The following RAP1B variants were observed in gnomAD, a reference collection of about 807,000 sequenced individuals.
RAP1B encodes RAP1B, member of RAS oncogene family, also known as ras-related protein Rap-1b.
Under a neutral mutation model 27.5 loss-of-function variants are expected in RAP1B, and 1 was observed. The observed-to-expected ratio is 0.04, with a 90% CI of 0.01 to 0.17. The LOEUF is 0.17. Among genes scored for constraint, RAP1B ranks in the 10% least tolerant of loss-of-function variants. The probability of loss-of-function intolerance (pLI) is 1.00; values close to 1 mark genes in which losing one functional copy is unlikely to be tolerated. For synonymous variants in RAP1B, 75 were observed against 73.1 expected (o/e 1.03, Z -0.13); for missense variants, 84 against 214.8 (o/e 0.39, Z 3.81).
At chr12:68,629,621 A>G (rs1339413322) in intron 1 of RAP1B, among the ~76,000 whole-genome samples, 1 of 152,182 alleles carries the variant, frequency 6.6e-6, no homozygotes. Context: ...TAAAGTTTTT[A>G]TATGTACTGG....
intron 1 of RAP1B, among the ~76,000 whole-genome samples, chr12:68,623,196 C>T (rs1871506895): frequency 6.6e-6 from 1 of 151,926 alleles, no homozygotes; most frequent in Non-Finnish European, 1.5e-5. Context: ...AAAAGTTAAC[C>T]AGTATAAAAC....
In RAP1B at chr12:68,669,231, A is replaced by T. The variant is rs1389843223; in HGVS notation, c.*9982A>T. 6.6e-6 allele frequency: 1 copy of T among 152,268 alleles called. No homozygotes were observed. The highest frequency in any genetic ancestry group is 1.5e-5 in the Non-Finnish European group (1 of 68,050). 9.4% of individuals were successfully genotyped at this position (152,268 alleles called of 1,614,324 possible). On this transcript the variant is annotated 3_prime_UTR_variant, in exon 8 of 8. Coordinates refer to ENST00000250559, the MANE Select transcript of RAP1B (RefSeq NM_001010942.3). Reference sequence around the variant, plus strand: ...GGTATAAGGCTAAGAAAGAACTATTATAAACTCTTATTGAAGGACATAAAT... The same window carrying T: ...GGTATAAGGCTAAGAAAGAACTATTTTAAACTCTTATTGAAGGACATAAAT...
At chr12:68,654,275 A>G (rs1874031873) in intron 5 of RAP1B, 23 bp downstream of exon 5, 2 of 1,419,518 alleles carry the variant, frequency 1.4e-6, no homozygotes, top group Non-Finnish European at 9.4e-7. Context: ...CCAAATAAAT[A>G]TATTTTATTT....
chr12:68,620,249 T>G (rs1264238785), intron 1 of RAP1B, among the ~76,000 whole-genome samples: 2 of 151,832 alleles, frequency 1.3e-5, no homozygotes, highest in Non-Finnish European at 2.9e-5. Flanking sequence ...TGAGTCTCTC[T>G]ATTGTCACCC....
intron 5 of RAP1B, among the ~76,000 whole-genome samples, chr12:68,654,578 C>T (rs1403917227): frequency 6.6e-6 from 1 of 151,608 alleles, no homozygotes; most frequent in East Asian, 1.9e-4. Flanking sequence ...CCCGGGTTCA[C>T]GCCATTCTCC....
chr12:68,654,807 G>A (rs991549607), intron 5 of RAP1B, among the ~76,000 whole-genome samples: 11 of 152,290 alleles, frequency 7.2e-5, no homozygotes, highest in African/African-American at 2.4e-4. Context: ...CCCCTTCAGA[G>A]TCTACCATAA....
chr12:68,614,604 C>T lies in RAP1B; in HGVS notation c.-27+3561C>T, dbSNP rs917806776. Among the ~76,000 whole-genome samples, 4 of 148,528 alleles carry T rather than the reference C, an allele frequency of 2.7e-5. No individual in the cohort carries two copies. In the East Asian group the frequency reaches 8.0e-4, roughly 30 times the overall value. On this transcript the variant is annotated intron_variant, in intron 1 of 7. Transcript: ENST00000250559. Reference sequence around the variant, plus strand: ...AAAAATATGCCCTGGGTTTTCTTCCCCCTCCTGTCATTATTGAGGACTCCA... The same window carrying T: ...AAAAATATGCCCTGGGTTTTCTTCCTCCTCCTGTCATTATTGAGGACTCCA...
intron 1 of RAP1B, chr12:68,627,030 C>G: frequency 6.3e-7 from 1 of 1,586,940 alleles, no homozygotes; most frequent in Non-Finnish European, 8.6e-7. Flanking sequence ...GATCTTCTGG[C>G]GGCCAGAAAA....
chr12:68,616,425 C>T (rs1213930561), intron 1 of RAP1B, among the ~76,000 whole-genome samples: 1 of 146,548 alleles, frequency 6.8e-6, no homozygotes, highest in Non-Finnish European at 1.5e-5. Context: ...GCTGGGAATA[C>T]TGTGCCTGGC....
Position 68,662,058 on chromosome 12 carries a change from A to G in RAP1B, c.*2809A>G, listed in dbSNP as rs1001021955. ...TTATATATAGTACATATATAGAGAG[A>G]GTATATATATATATGTAGTACAGTG... is the stretch of plus-strand genomic sequence containing the variant. On this transcript the variant is annotated 3_prime_UTR_variant, in exon 8 of 8. Coordinates refer to ENST00000250559, the MANE Select transcript of RAP1B (RefSeq NM_001010942.3). 13 of 146,308 alleles carry G rather than the reference A, an allele frequency of 8.9e-5. No homozygotes were observed. The highest frequency in any genetic ancestry group is 2.0e-4 in the East Asian group (1 of 5,120). The allele number at this position is 146,308 out of a possible 1,614,324, so 9.1% of individuals were successfully genotyped here. A position where few individuals can be genotyped will look rare whatever the true frequency, so the allele number is the denominator to read the frequency against.
chr12:68,619,894 A>G lies in RAP1B; in HGVS notation c.-27+8851A>G, dbSNP rs117047529. ...TTAGATAATAGTTATTTTTAAGCCT[A>G]TTTTTGGTTTTAATATTTGTTTTGT... On this transcript the variant is annotated intron_variant, in intron 1 of 7. Coordinates refer to ENST00000250559, the MANE Select transcript of RAP1B (RefSeq NM_001010942.3). 1.8e-3 allele frequency among the ~76,000 whole-genome samples: 273 copies of G among 152,224 alleles called. 12 individuals are homozygous for G. The East Asian group carries it at 0.049, about 27-fold the overall frequency.
At chr12:68,642,176 ATAT>A (rs1457435576) in intron 1 of RAP1B, among the ~76,000 whole-genome samples, 2 of 152,220 alleles carry the variant, frequency 1.3e-5, no homozygotes, top group Non-Finnish European at 2.9e-5. Flanking sequence ...ATACATAGGC[ATAT>A]TATTGTTAAC....
Position 68,662,036 on chromosome 12 carries a change from T to TA in RAP1B, c.*2788dup, listed in dbSNP as rs1874627954. On this transcript the variant is annotated 3_prime_UTR_variant, in exon 8 of 8. Transcript: ENST00000250559. ...TATATATATATATATATATATATTA[T>TA]ATATAGTACATATATAGAGAGAGTA... 3.8e-5 allele frequency: 5 copies of TA among 132,832 alleles called. No individual in the cohort carries two copies. In the East Asian group the frequency reaches 1.1e-3, roughly 30 times the overall value. 8.2% of individuals were successfully genotyped at this position (132,832 alleles called of 1,614,324 possible). A position where few individuals can be genotyped will look rare whatever the true frequency, so the allele number is the denominator to read the frequency against.
At chr12:68,616,288 T>C (rs1392730523) in intron 1 of RAP1B, among the ~76,000 whole-genome samples, 2 of 147,698 alleles carry the variant, frequency 1.4e-5, no homozygotes, top group African/African-American at 2.5e-5. Flanking sequence ...TGTTGTTTTG[T>C]TTTTTGTTTT....
chr12:68,662,817 C>T lies in RAP1B; in HGVS notation c.*3568C>T, dbSNP rs987549985. 1 of 151,768 alleles carries T rather than the reference C, an allele frequency of 6.6e-6. No homozygotes were observed. The highest frequency in any genetic ancestry group is 2.4e-5 in the African/African-American group (1 of 41,276). 9.4% of individuals were successfully genotyped at this position (151,768 alleles called of 1,614,324 possible). A position where few individuals can be genotyped will look rare whatever the true frequency, so the allele number is the denominator to read the frequency against. Reference sequence around the variant, plus strand: ...AATCTGACAGCCTGGGCAACATAGACCCCATCTCTACAAAAAAAAATTTTT... The same window carrying T: ...AATCTGACAGCCTGGGCAACATAGATCCCATCTCTACAAAAAAAAATTTTT... On this transcript the variant is annotated 3_prime_UTR_variant, in exon 8 of 8. Coordinates refer to ENST00000250559, the MANE Select transcript of RAP1B (RefSeq NM_001010942.3).
Position 68,664,833 on chromosome 12 carries a change from AT to A in RAP1B, c.*5586del, listed in dbSNP as rs1874781768. The A allele has an allele frequency of 6.6e-6, 1 of 152,246 alleles. No individual in the cohort carries two copies. Among genetic ancestry groups the A allele is most frequent in the Non-Finnish European group, 1.5e-5 (1 of 68,044 alleles). The allele number at this position is 152,246 out of a possible 1,614,324, so 9.4% of individuals were successfully genotyped here. On this transcript the variant is annotated 3_prime_UTR_variant, in exon 8 of 8. Transcript: ENST00000250559. Reference sequence around the variant, plus strand: ...TCTAACCATAGGTGATTCTTCTTCCATTATCCATACTAAAGCAAGTGACTCA... The same window carrying A: ...TCTAACCATAGGTGATTCTTCTTCCATATCCATACTAAAGCAAGTGACTCA...
At chr12:68,641,413 T>C (rs1392779657) in intron 1 of RAP1B, among the ~76,000 whole-genome samples, 1 of 152,260 alleles carries the variant, frequency 6.6e-6, no homozygotes, top group Non-Finnish European at 1.5e-5. Context: ...GTCTTTGCTG[T>C]GGTTTGCTCT....
In RAP1B at chr12:68,615,794, TAC is replaced by T. The variant is rs537752483; in HGVS notation, c.-27+4761_-27+4762del. Among the ~76,000 whole-genome samples, 16 of 152,178 alleles carry T rather than the reference TAC, an allele frequency of 1.1e-4. No individual in the cohort carries two copies. The East Asian group carries it at 1.7e-3, about 17-fold the overall frequency. On this transcript the variant is annotated intron_variant, in intron 1 of 7. Transcript: ENST00000250559. ...ACATGTGTATATATATACACATACATACACACACACATATACATATATCAGTG... is the reference window on the plus strand; with the variant it reads ...ACATGTGTATATATATACACATACATACACACACATATACATATATCAGTG...
At chr12:68,630,016 T>G (rs905671840) in intron 1 of RAP1B, among the ~76,000 whole-genome samples, 2 of 152,222 alleles carry the variant, frequency 1.3e-5, no homozygotes, top group African/African-American at 2.4e-5. Context: ...TCTCCTTCAC[T>G]TAAACCACAG....
Sources: gnomAD v4.1 joint callset for allele counts (sites outside exome capture counted in the v4.1 genomes callset) on GRCh38, gnomAD v4.1.1 for gene constraint, MANE v1.5 for transcripts, NCBI Gene and HGNC (gene_info 2026-07-23, HGNC 2026-07-21) for gene names.